The following EPB41L3 variants were observed in gnomAD, a reference collection of about 807,000 sequenced individuals.
EPB41L3 encodes band 4.1-like protein 3.
In EPB41L3, 57 loss-of-function variants were observed where a neutral mutation model predicts 127.1. That is an observed-to-expected ratio of 0.45 (90% CI 0.36 to 0.56). The LOEUF is 0.56. Among genes scored for constraint, EPB41L3 ranks in the 20% least tolerant of loss-of-function variants. EPB41L3 has a pLI of 0.00. For missense variants in EPB41L3, 1,273 were observed against 1,372.2 expected (o/e 0.93, Z 1.14); for synonymous variants, 572 against 549.5 (o/e 1.04, Z -0.57).
chr18:5,598,250 C>G (rs188039430), intron 3 of EPB41L3, among the ~76,000 whole-genome samples: 92 of 152,266 alleles, frequency 6.0e-4, no homozygotes, highest in African/African-American at 2.2e-3. Context: ...CATTTTCTTA[C>G]TATACTACAA....
At chr18:5,434,452 A>G (rs908271901) in intron 6 of EPB41L3, among the ~76,000 whole-genome samples, 1 of 152,228 alleles carries the variant, frequency 6.6e-6, no homozygotes, top group Non-Finnish European at 1.5e-5. Context: ...AGTCAAATGA[A>G]CAGTCCCCAA....
intron 3 of EPB41L3, among the ~76,000 whole-genome samples, chr18:5,579,375 G>T (rs775923376): frequency 2.0e-4 from 30 of 152,134 alleles, no homozygotes; most frequent in Non-Finnish European, 3.7e-4. Flanking sequence ...GTGGTTCATA[G>T]GTGCTTCTTA....
At position 5,396,223 on chromosome 18, in the gene EPB41L3, G is replaced by A. The variant is rs1273252596; in HGVS notation, c.2951C>T (p.Thr984Ile). 5.6e-6 allele frequency: 9 copies of A among 1,614,058 alleles called. No homozygotes were observed. Among genetic ancestry groups the A allele is most frequent in the Non-Finnish European group, 6.8e-6 (8 of 1,180,018 alleles). ...CACCTGTGATGATTCATATGTGATG[G>A]TTTTGGTTTCGGTGTGAACTACTGG... is the stretch of plus-strand genomic sequence containing the variant. ...EVPVVHTETKTITYESSQVDP... is the reference protein window; with the variant it reads ...EVPVVHTETKIITYESSQVDP... The change falls in exon 19 of 23, where the codon ACC becomes ATC. Residue 984 changes from threonine (T) to isoleucine (I), a missense_variant. By Grantham distance (89) the Thr-to-Ile change is moderately conservative. Around this residue, in one of 3 missense-constraint regions of EPB41L3, gnomAD observed 765 missense variants for 782.9 expected, o/e 0.98. Coordinates refer to ENST00000341928, the MANE Select transcript of EPB41L3 (RefSeq NM_012307.5).
intron 1 of EPB41L3, among the ~76,000 whole-genome samples, chr18:5,502,759 A>T (rs1298785161): frequency 6.6e-6 from 1 of 152,228 alleles, no homozygotes; most frequent in African/African-American, 2.4e-5. Flanking sequence ...GGGCTAGATG[A>T]GAGCTTCCTG....
chr18:5,506,868 T>A (rs933524316), intron 1 of EPB41L3, among the ~76,000 whole-genome samples: 1 of 152,216 alleles, frequency 6.6e-6, no homozygotes, highest in African/African-American at 2.4e-5. Flanking sequence ...AAGATAGTTT[T>A]AAGTTGTGCT....
chr18:5,552,108 T>C lies in EPB41L3; in HGVS notation c.-306+60232A>G, dbSNP rs562012345. ...TTTAAAAAATTACCTGAAGTCCTTG[T>C]AGAAGCCACTGGATGACATGTGCAT... On this transcript the variant is annotated intron_variant, in intron 3 of 21. Transcript: ENST00000545076. 2.0e-5 allele frequency among the ~76,000 whole-genome samples: 3 copies of C among 152,370 alleles called. No homozygotes were observed. The East Asian group carries it at 5.8e-4, about 29-fold the overall frequency.
intron 16 of EPB41L3, 64 bp downstream of exon 16, chr18:5,406,713 C>T: frequency 1.4e-6 from 2 of 1,436,260 alleles, no homozygotes; most frequent in Admixed American, 3.8e-5. Context: ...TGCAATTCCA[C>T]ACCCTGTAGA....
At chr18:5,460,475 G>A (rs2083804186) in intron 3 of EPB41L3, among the ~76,000 whole-genome samples, 1 of 152,152 alleles carries the variant, frequency 6.6e-6, no homozygotes, top group Non-Finnish European at 1.5e-5. Context: ...ACATAGATAT[G>A]TATTTGTACG....
chr18:5,580,509 TATAC>T (rs1195163935), intron 3 of EPB41L3, among the ~76,000 whole-genome samples: 1 of 152,192 alleles, frequency 6.6e-6, no homozygotes, highest in Non-Finnish European at 1.5e-5. Flanking sequence ...CACATGTATA[TATAC>T]ATATTCACAT....
At chr18:5,568,773 G>A (rs533279739) in intron 3 of EPB41L3, among the ~76,000 whole-genome samples, 214 of 152,206 alleles carry the variant, frequency 1.4e-3, no homozygotes, top group South Asian at 0.012. Context: ...CTAACTTTCC[G>A]AATTTAGAAG....
chr18:5,595,488 T>C (rs8087988), intron 3 of EPB41L3, among the ~76,000 whole-genome samples: 16,644 of 152,054 alleles, frequency 0.11, 1,034 homozygotes, highest in South Asian at 0.16. Context: ...CTGTACCTCC[T>C]CTCCACCTTG....
Position 5,398,059 on chromosome 18 carries a change from T to A in EPB41L3, c.2434A>T (p.Ile812Leu), listed in dbSNP as rs1218869838. ...LESARKPTEF[I>L]GGVTSTSQSW... is the part of the protein sequence containing the mutation. ...TGAGAAGTAGAAGTAACCCCTCCTATGAATTCTGTTGGTTTTCGCGCAGAC... is the reference window on the plus strand; with the variant it reads ...TGAGAAGTAGAAGTAACCCCTCCTAAGAATTCTGTTGGTTTTCGCGCAGAC... The change falls in exon 17 of 23, where the codon ATA becomes TTA. Residue 812 changes from isoleucine (I) to leucine (L), a missense_variant. Physicochemically the swap from Ile to Leu is conservative, Grantham distance 5. Coordinates refer to ENST00000341928, the MANE Select transcript of EPB41L3 (RefSeq NM_012307.5). 1 of 1,614,154 alleles carries A rather than the reference T, an allele frequency of 6.2e-7. No homozygotes were observed. Among genetic ancestry groups the A allele is most frequent in the Non-Finnish European group, 8.5e-7 (1 of 1,180,024 alleles).
intron 3 of EPB41L3, among the ~76,000 whole-genome samples, chr18:5,561,619 A>G (rs1462855417): frequency 1.3e-5 from 2 of 152,250 alleles, no homozygotes; most frequent in African/African-American, 4.8e-5. Context: ...AATCACCATT[A>G]GAAAACCACA....
chr18:5,400,693 A>T, intron 16 of EPB41L3: 3 of 503,458 alleles, frequency 6.0e-6, no homozygotes, highest in Non-Finnish European at 1.1e-5. Flanking sequence ...GTAAAACAAC[A>T]TTTCAGCAAG....
At chr18:5,481,807 C>T (rs1025485897) in intron 2 of EPB41L3, among the ~76,000 whole-genome samples, 1 of 151,938 alleles carries the variant, frequency 6.6e-6, no homozygotes, top group African/African-American at 2.4e-5. Flanking sequence ...ACAAGCGGCA[C>T]TCCCATCGCT....
At chr18:5,494,813 GGT>G (rs1166348499) in intron 1 of EPB41L3, among the ~76,000 whole-genome samples, 1 of 152,180 alleles carries the variant, frequency 6.6e-6, no homozygotes, top group African/African-American at 2.4e-5. Flanking sequence ...GGAAGGAAGG[GGT>G]GCGTGAGAGT....
intron 1 of EPB41L3, among the ~76,000 whole-genome samples, chr18:5,530,289 T>C (rs2093368916): frequency 6.6e-6 from 1 of 152,180 alleles, no homozygotes; most frequent in Admixed American, 6.5e-5. Context: ...AGCATAAAGC[T>C]AGACTGCTAT....
intron 1 of EPB41L3, chr18:5,540,595 A>C (rs1217172748): frequency 2.1e-6 from 2 of 973,722 alleles, no homozygotes; most frequent in African/African-American, 3.5e-5. Flanking sequence ...ATGAATTCCC[A>C]ACAAATCAGC....
At chr18:5,572,357 C>T (rs1420133984) in intron 3 of EPB41L3, among the ~76,000 whole-genome samples, 3 of 152,138 alleles carry the variant, frequency 2.0e-5, no homozygotes, top group Non-Finnish European at 4.4e-5. Flanking sequence ...TTTTCCTTGG[C>T]TTTAATTTTG....
Sources: allele counts gnomAD v4.1 joint callset (sites outside exome capture counted in the v4.1 genomes callset), GRCh38; gene constraint gnomAD v4.1.1; regional missense constraint gnomAD v4.1.1; transcripts MANE v1.5; gene names NCBI Gene and HGNC (gene_info 2026-07-23, HGNC 2026-07-21).